The following MMP16 variants were observed in gnomAD, a reference collection of about 807,000 sequenced individuals.
MMP16 encodes matrix metallopeptidase 16, also known as matrix metalloproteinase-16.
Under a neutral mutation model 67.8 loss-of-function variants are expected in MMP16, and 12 were observed. That is an observed-to-expected ratio of 0.18 (90% confidence interval 0.11 to 0.29). The LOEUF is 0.29. MMP16 is among the 10% of genes least tolerant of loss of function. MMP16 has a pLI of 1.00. For missense variants in MMP16, 475 were observed against 765.7 expected (o/e 0.62, Z 4.48); for synonymous variants, 249 against 255.9 (o/e 0.97, Z 0.26).
chr8:88,078,621 T>A (rs1808692491), intron 6 of MMP16, among the ~76,000 whole-genome samples: 1 of 152,122 alleles, frequency 6.6e-6, no homozygotes, highest in Non-Finnish European at 1.5e-5. Context: ...GAGGCTGCAG[T>A]GGGCCGAGAT....
At chr8:88,102,530 G>A (rs28906669) in intron 6 of MMP16, among the ~76,000 whole-genome samples, 4,451 of 151,656 alleles carry the variant, frequency 0.029, 224 homozygotes, top group African/African-American at 0.1. Flanking sequence ...GGTTTTTATG[G>A]TGGCTTCATT....
intron 1 of MMP16, among the ~76,000 whole-genome samples, chr8:88,202,910 AC>A (rs1418406548): frequency 6.6e-6 from 1 of 152,060 alleles, no homozygotes; most frequent in Non-Finnish European, 1.5e-5. Context: ...TGAACAATGC[AC>A]CAGGTAAACG....
chr8:88,198,211 T>C (rs2129783925), intron 1 of MMP16, among the ~76,000 whole-genome samples: 1 of 152,206 alleles, frequency 6.6e-6, no homozygotes, highest in Admixed American at 6.5e-5. Flanking sequence ...TGCTTTCCAG[T>C]TTTACAACTC....
intron 1 of MMP16, among the ~76,000 whole-genome samples, chr8:88,210,564 C>A: frequency 6.6e-6 from 1 of 152,220 alleles, no homozygotes; most frequent in Admixed American, 6.5e-5. Flanking sequence ...CAGCTAGAAA[C>A]CCAGTAGGAA....
At chr8:88,250,596 A>C (rs28904593) in intron 1 of MMP16, among the ~76,000 whole-genome samples, 3,160 of 152,044 alleles carry the variant, frequency 0.021, 42 homozygotes, top group Middle Eastern at 0.048. Flanking sequence ...AACAATATCT[A>C]TCCTATACAA....
chr8:88,164,660 A>G (rs1808682793), intron 4 of MMP16, among the ~76,000 whole-genome samples: 1 of 152,090 alleles, frequency 6.6e-6, no homozygotes. Flanking sequence ...ATTCACCAGC[A>G]AAGTGTTCTT....
intron 1 of MMP16, among the ~76,000 whole-genome samples, chr8:88,252,520 C>G (rs1936617775): frequency 6.6e-6 from 1 of 151,398 alleles, no homozygotes; most frequent in South Asian, 2.1e-4. Context: ...TAATCTCTTA[C>G]ATGTCAAACA....
At chr8:88,049,196 C>G (rs2664372) in intron 8 of MMP16, among the ~76,000 whole-genome samples, 77,304 of 152,056 alleles carry the variant, frequency 0.51, 20,653 homozygotes, top group East Asian at 0.7. Flanking sequence ...CTGAAAGAAT[C>G]GTGCCTGGAC....
intron 3 of MMP16, among the ~76,000 whole-genome samples, chr8:88,184,564 A>G (rs1226964238): frequency 4.1e-4 from 10 of 24,288 alleles, no homozygotes; most frequent in African/African-American, 1.2e-3. Flanking sequence ...TCTCTCTCTG[A>G]AAAAAAAAAA....
At chr8:88,179,856 T>C (rs1323406754) in intron 3 of MMP16, among the ~76,000 whole-genome samples, 1 of 151,770 alleles carries the variant, frequency 6.6e-6, no homozygotes, top group African/African-American at 2.4e-5. Flanking sequence ...TGAAAACATA[T>C]AAAATGGTCA....
intron 3 of MMP16, among the ~76,000 whole-genome samples, chr8:88,182,173 C>T (rs1808991352): frequency 6.6e-6 from 1 of 152,050 alleles, no homozygotes; most frequent in African/African-American, 2.4e-5. Flanking sequence ...ATTAAAATTA[C>T]ACTTCTGCTC....
intron 4 of MMP16, among the ~76,000 whole-genome samples, chr8:88,130,900 C>A (rs1808017367): frequency 6.6e-6 from 1 of 151,514 alleles, no homozygotes; most frequent in South Asian, 2.1e-4. Flanking sequence ...TTTCTTCCAG[C>A]AAACAGGAAC....
chr8:88,186,412 A>T, intron 3 of MMP16, 64 bp downstream of exon 3: 1 of 1,595,918 alleles, frequency 6.3e-7, no homozygotes, highest in Non-Finnish European at 8.6e-7. Flanking sequence ...ATACTAAACT[A>T]TGTGTCAAAA....
chr8:88,282,854 TA>T (rs1810763004), intron 1 of MMP16, among the ~76,000 whole-genome samples: 1 of 152,194 alleles, frequency 6.6e-6, no homozygotes, highest in African/African-American at 2.4e-5. Flanking sequence ...TTTCTTATTT[TA>T]AAACAACATG....
At chr8:88,073,323 C>T (rs1808593125) in intron 7 of MMP16, among the ~76,000 whole-genome samples, 2 of 152,208 alleles carry the variant, frequency 1.3e-5, no homozygotes, top group African/African-American at 4.8e-5. Flanking sequence ...AGCAATCTTA[C>T]TAGCAGCAGC....
At chr8:88,242,878 T>C (rs17666825) in intron 1 of MMP16, among the ~76,000 whole-genome samples, 6,625 of 152,168 alleles carry the variant, frequency 0.044, 174 homozygotes, top group Admixed American at 0.054. Flanking sequence ...GTGAAGCAAA[T>C]GAGTTAGGGA....
At chr8:88,301,305 C>T (rs1811095282) in intron 1 of MMP16, among the ~76,000 whole-genome samples, 1 of 152,138 alleles carries the variant, frequency 6.6e-6, no homozygotes, top group Non-Finnish European at 1.5e-5. Flanking sequence ...CTGCCTCTCT[C>T]CATTTTATAA....
At chr8:88,128,172 C>T (rs978485924) in intron 4 of MMP16, among the ~76,000 whole-genome samples, 1 of 151,862 alleles carries the variant, frequency 6.6e-6, no homozygotes, top group Admixed American at 6.6e-5. Context: ...GAAGCCAGTA[C>T]ATGCTTGCAC....
chr8:88,175,246 T>C (rs1808868372), intron 3 of MMP16, among the ~76,000 whole-genome samples: 1 of 152,178 alleles, frequency 6.6e-6, no homozygotes, highest in African/African-American at 2.4e-5. Flanking sequence ...TACTGTTGGT[T>C]TATAATGAGT....
Sources: allele counts gnomAD v4.1 joint callset (sites outside exome capture counted in the v4.1 genomes callset), GRCh38; gene constraint gnomAD v4.1.1; transcripts MANE v1.5; gene names NCBI Gene and HGNC (gene_info 2026-07-23, HGNC 2026-07-21).